Variants in VAT1 observed in about 807,000 individuals in gnomAD.
VAT1 encodes NADPH-dependent quinone oxidoreductase VAT1.
VAT1 carries 24 observed loss-of-function variants against 33.3 expected under a neutral mutation model. The ratio of observed to expected loss-of-function variants is 0.72; its 90% CI spans 0.52 to 1.01. The LOEUF (loss-of-function observed/expected upper bound fraction) is 1.01, where lower values mean the gene tolerates loss of function less well. Ranked by LOEUF, VAT1 falls within the 50% of genes least tolerant of loss-of-function variation. The probability of loss-of-function intolerance (pLI) is 0.00; values close to 1 mark genes in which losing one functional copy is unlikely to be tolerated. For missense variants in VAT1, 436 were observed against 533.7 expected (o/e 0.82, Z 1.80); for synonymous variants, 212 against 225.0 (o/e 0.94, Z 0.52).
Position 43,022,277 on chromosome 17 carries a change from C to T in VAT1, c.46G>A (p.Ala16Thr). 1.3e-6 allele frequency: 2 copies of T among 1,589,470 alleles called. No homozygotes were observed. Among genetic ancestry groups the T allele is most frequent in the Non-Finnish European group, 1.7e-6 (2 of 1,170,178 alleles). Residue 16 changes from alanine to threonine, a missense_variant, in exon 1 of 6, where the codon GCC (alanine) becomes ACC (threonine). Around this residue, in one of 2 missense-constraint regions of VAT1, gnomAD observed 154 missense variants for 128.3 expected, o/e 1.20. Transcript: ENST00000355653. ...TCGGTTTTCGGAGGCGGCGAAGAGG[C>T]GTCTTCCCCGGTCGCTGCCTCGGCT... ...EVAEAATGED[A>T]SSPPPKTEAA...
chr17:43,016,653 A>G, intron 4 of VAT1, 105 bp from the exon 5 acceptor site: 1 of 1,469,880 alleles, frequency 6.8e-7, no homozygotes, highest in South Asian at 1.3e-5. Flanking sequence ...TCTCCACACC[A>G]GTGCCAGGGA....
At chr17:43,021,882 C>T in intron 1 of VAT1, 54 bp downstream of exon 1, 1 of 1,594,758 alleles carries the variant, frequency 6.3e-7, no homozygotes, top group Non-Finnish European at 8.5e-7. Context: ...CCCACTCGTG[C>T]CCCACTGCCC....
intron 1 of VAT1, chr17:43,019,013 G>A: frequency 1.7e-6 from 1 of 598,908 alleles, no homozygotes; most frequent in Non-Finnish European, 2.9e-6. Flanking sequence ...CCGATTTCAA[G>A]TGCTTTATAT....
At chr17:43,016,753 C>T (rs1217195496) in intron 4 of VAT1, among the ~76,000 whole-genome samples, 2 of 152,126 alleles carry the variant, frequency 1.3e-5, no homozygotes, top group Non-Finnish European at 2.9e-5. Context: ...TGCTATGGCT[C>T]ACATCCATAA....
chr17:43,016,240 C>T (rs1314230797), intron 5 of VAT1, 67 bp downstream of exon 5: 1 of 1,608,436 alleles, frequency 6.2e-7, no homozygotes, highest in East Asian at 2.2e-5. Context: ...CCCCAGGAAT[C>T]TGCCCCTTGG....
Position 43,017,878 on chromosome 17 carries a change from G to A in VAT1, c.819C>T (p.Tyr273=). 2.5e-6 allele frequency: 4 copies of A among 1,614,142 alleles called. No individual in the cohort carries two copies. The highest frequency in any genetic ancestry group is 3.4e-6 in the Non-Finnish European group (4 of 1,180,026). ...PLGGSDTAKG[Y]NLLKPMGKVV... is the part of the protein sequence containing the mutation. Reference sequence around the variant, plus strand: ...CTTTGCCCATGGGTTTCAGGAGGTTGTAGCCCTTGGCAGTATCTGACCCAC... The same window carrying A: ...CTTTGCCCATGGGTTTCAGGAGGTTATAGCCCTTGGCAGTATCTGACCCAC... Residue 273 remains tyrosine (Y), a synonymous_variant, in exon 4 of 6, where the codon TAC becomes TAT. Coordinates refer to ENST00000355653, the MANE Select transcript of VAT1 (RefSeq NM_006373.4).
intron 4 of VAT1, among the ~76,000 whole-genome samples, chr17:43,016,789 G>A (rs531320455): frequency 2.6e-5 from 4 of 152,054 alleles, no homozygotes; most frequent in African/African-American, 9.7e-5. Context: ...AAGCCAAGGT[G>A]GGGGGATCAC....
rs779466810 is a variant in VAT1, at chr17:43,018,605, T to G, written c.582A>C (p.Val194=). The G allele has an allele frequency of 6.2e-7, 1 of 1,613,688 alleles. No individual in the cohort carries two copies. Among genetic ancestry groups the G allele is most frequent in the Non-Finnish European group, 8.5e-7 (1 of 1,180,010 alleles). The stretch of plus-strand genomic sequence containing the variant: ...GGGACCTGTCACCTGCAGCCATGTG[T>G]ACCAAGACGCTGTGGCCAGGCTGTA... The part of the protein sequence containing the change: ...GNLQPGHSVL[V]HMAAGGVGMA... Residue 194 remains valine, a synonymous_variant, in exon 2 of 6, where the codon GTA becomes GTC. Transcript: ENST00000355653.
chr17:43,021,620 GGGGGT>G (rs2050569169), intron 1 of VAT1, among the ~76,000 whole-genome samples: 5 of 115,202 alleles, frequency 4.3e-5, no homozygotes, highest in Middle Eastern at 4.5e-3. Flanking sequence ...GGGGGGGGGG[GGGGGT>G]GGGGACGGTA....
rs1024182812 is a variant in VAT1, at chr17:43,022,352, T to A, written c.-30A>T. The A allele has an allele frequency of 1.3e-6, 2 of 1,531,100 alleles. No individual in the cohort carries two copies. The highest frequency in any genetic ancestry group is 1.7e-6 in the Non-Finnish European group (2 of 1,143,456). 94.8% of individuals were successfully genotyped at this position (1,531,100 alleles called of 1,614,324 possible). ...GGGACTCCCGACGAGAGCGCACAGC[T>A]GGATGGAGAGTGCACAGCTGGGGAA... On this transcript the variant is annotated 5_prime_UTR_variant, in exon 1 of 6. Transcript: ENST00000355653.
chr17:43,016,601 G>C, intron 4 of VAT1, 53 bp from the exon 5 acceptor site: 1 of 1,594,802 alleles, frequency 6.3e-7, no homozygotes, highest in Non-Finnish European at 8.6e-7. Flanking sequence ...ATCCCTGTGT[G>C]TCTGCATCTG....
Position 43,017,895 on chromosome 17 carries a change from C to T in VAT1, c.802G>A (p.Asp268Asn). ...DIVMDPLGGS[D>N]TAKGYNLLKP... is the part of the protein sequence containing the mutation. ...AGGAGGTTGTAGCCCTTGGCAGTAT[C>T]TGACCCACCCAGAGGGTCCATGACA... Residue 268 changes from aspartate to asparagine, a missense_variant, in exon 4 of 6, where the codon GAT (aspartate) becomes AAT (asparagine). Asp to Asn is a conservative substitution (Grantham distance 23). Coordinates refer to ENST00000355653, the MANE Select transcript of VAT1 (RefSeq NM_006373.4). 1 of 1,614,210 alleles carries T rather than the reference C, an allele frequency of 6.2e-7. No individual in the cohort carries two copies. The highest frequency in any genetic ancestry group is 8.5e-7 in the Non-Finnish European group (1 of 1,180,032).
At chr17:43,019,698 C>A in intron 1 of VAT1, 1 of 152,294 alleles carries the variant, frequency 6.6e-6, no homozygotes, top group Non-Finnish European at 1.5e-5. Context: ...TCCAGCTTAG[C>A]AAGTGGGGTC....
rs761496078 is a variant in VAT1, at chr17:43,017,991, C to T, written c.766+45G>A. On this transcript the variant is annotated intron_variant, in intron 3 of 5. Coordinates refer to ENST00000355653, the MANE Select transcript of VAT1 (RefSeq NM_006373.4). The stretch of plus-strand genomic sequence containing the variant: ...GGATCCACAGATCTGGAGCTCCCCT[C>T]CCTGTCCTGTGCCTCCCTACCCCCT... 6 of 1,613,132 alleles carry T rather than the reference C, an allele frequency of 3.7e-6. No homozygotes were observed. In the African/African-American group the frequency reaches 5.3e-5, roughly 14 times the overall value.
At position 43,022,107 on chromosome 17, in the gene VAT1, C is replaced by A; in HGVS notation, c.216G>T (p.Pro72=). Residue 72 remains proline, a synonymous_variant, in exon 1 of 6, where the codon CCG becomes CCT. Coordinates refer to ENST00000355653, the MANE Select transcript of VAT1 (RefSeq NM_006373.4). ...VKLQSRPAAP[P]APGPGQLTLR... Reference sequence around the variant, plus strand: ...GCGTCAGCTGGCCGGGCCCAGGGGCCGGGGGCGCTGCCGGCCGGCTCTGCA... The same window carrying A: ...GCGTCAGCTGGCCGGGCCCAGGGGCAGGGGGCGCTGCCGGCCGGCTCTGCA... 1 of 1,572,724 alleles carries A rather than the reference C, an allele frequency of 6.4e-7. No individual in the cohort carries two copies. The highest frequency in any genetic ancestry group is 8.6e-7 in the Non-Finnish European group (1 of 1,159,976).
chr17:43,020,644 G>A (rs1391025434), intron 1 of VAT1, among the ~76,000 whole-genome samples: 3 of 152,174 alleles, frequency 2.0e-5, no homozygotes, highest in Admixed American at 6.5e-5. Flanking sequence ...TAGGGAGGCC[G>A]AGGTGGGCAG....
At chr17:43,017,303 C>G in intron 4 of VAT1, among the ~76,000 whole-genome samples, 1 of 151,456 alleles carries the variant, frequency 6.6e-6, no homozygotes, top group Non-Finnish European at 1.5e-5. Context: ...TAGAATTTGG[C>G]CAGGCGTGGT....
chr17:43,016,647 C>T, intron 4 of VAT1, 99 bp from the exon 5 acceptor site: 1 of 1,504,384 alleles, frequency 6.6e-7, no homozygotes, highest in Non-Finnish European at 9.0e-7. Context: ...TGCAATTCTC[C>T]ACACCAGTGC....
intron 1 of VAT1, 41 bp downstream of exon 1, chr17:43,021,895 T>A: frequency 6.2e-7 from 1 of 1,605,726 alleles, no homozygotes. Flanking sequence ...CACTGCCCAG[T>A]GGCCTGCGCA....
Sources: allele counts gnomAD v4.1 joint callset (sites outside exome capture counted in the v4.1 genomes callset), GRCh38; gene constraint gnomAD v4.1.1; regional missense constraint gnomAD v4.1.1; transcripts MANE v1.5; gene names NCBI Gene and HGNC (gene_info 2026-07-23, HGNC 2026-07-21).